BMPR1A: variants seen among roughly 807,000 people sequenced by gnomAD.
BMPR1A encodes the protein bone morphogenetic protein receptor type 1A, also known as bone morphogenetic protein receptor type-1A.
Under a neutral mutation model 66.0 loss-of-function variants are expected in BMPR1A, and 7 were observed. The observed-to-expected ratio is 0.11, with a 90% confidence interval of 0.06 to 0.20. The LOEUF (loss-of-function observed/expected upper bound fraction) is 0.20. Ranked by LOEUF, BMPR1A falls within the 10% of genes least tolerant of loss-of-function variation. The probability of loss-of-function intolerance (pLI) is 1.00; values close to 1 mark genes in which losing one functional copy is unlikely to be tolerated. For synonymous variants in BMPR1A, 200 were observed against 229.7 expected, an observed-to-expected ratio of 0.87 and a Z score of 1.17; for missense variants, 408 against 669.1, an observed-to-expected ratio of 0.61 and a Z score of 4.31.
intron 1 of BMPR1A, among the ~76,000 whole-genome samples, chr10:86,791,683 T>TCCTTGCTTCCTCCCTCCCTCCCTC (rs1841622238): frequency 1.1e-5 from 1 of 89,708 alleles, no homozygotes; most frequent in Non-Finnish European, 2.1e-5. Context: ...CTTCTTTACT[T>TCCTTGCTTCCTCCCTCCCTCCCTC]CCTTCCTCCC....
intron 3 of BMPR1A, among the ~76,000 whole-genome samples, chr10:86,878,780 CAG>C (rs1842951440): frequency 6.6e-6 from 1 of 152,138 alleles, no homozygotes; most frequent in Non-Finnish European, 1.5e-5. Flanking sequence ...TACTGGAAAA[CAG>C]AGAAACAGGA....
chr10:86,831,185 A>G (rs574884368), intron 1 of BMPR1A, among the ~76,000 whole-genome samples: 1 of 152,330 alleles, frequency 6.6e-6, no homozygotes, highest in East Asian at 1.9e-4. Flanking sequence ...GTACAGCTGC[A>G]TGTGTACCCT....
intron 1 of BMPR1A, among the ~76,000 whole-genome samples, chr10:86,762,410 G>A (rs1041221289): frequency 6.6e-6 from 1 of 152,154 alleles, no homozygotes; most frequent in African/African-American, 2.4e-5. Flanking sequence ...CCAGGCTGGA[G>A]TGCAGTGGTG....
intron 2 of BMPR1A, among the ~76,000 whole-genome samples, chr10:86,846,787 C>T (rs889866718): frequency 6.6e-6 from 1 of 152,170 alleles, no homozygotes; most frequent in Non-Finnish European, 1.5e-5. Flanking sequence ...TCAGAAATGT[C>T]ATCCAGGTCT....
intron 11 of BMPR1A, among the ~76,000 whole-genome samples, chr10:86,922,801 C>T (rs1225023666): frequency 1.3e-5 from 2 of 152,266 alleles, no homozygotes; most frequent in African/African-American, 4.8e-5. Flanking sequence ...AGCAGACGTG[C>T]AGTACACACC....
At chr10:86,799,662 C>G (rs1841783712) in intron 1 of BMPR1A, among the ~76,000 whole-genome samples, 1 of 151,842 alleles carries the variant, frequency 6.6e-6, no homozygotes, top group African/African-American at 2.4e-5. Flanking sequence ...AGTGATCCTC[C>G]CTCCTTATCC....
chr10:86,804,870 T>G (rs1274172167), intron 1 of BMPR1A, among the ~76,000 whole-genome samples: 1 of 151,204 alleles, frequency 6.6e-6, no homozygotes, highest in Non-Finnish European at 1.5e-5. Context: ...AAATTTATTG[T>G]CTCCCAATTC....
rs1589768073 is a variant in BMPR1A, at chr10:86,899,865, A to G, written c.405A>G (p.Gln135=). ...CRTNLCNQYL[Q]PTLPPVVIGP... ...CCAATTTATGTAACCAGTATTTGCA[A>G]CCCACACTGCCCCCTGTTGTCATAG... The change falls in exon 6 of 13, where the codon CAA becomes CAG. Residue 135 remains glutamine, a synonymous_variant. Coordinates refer to ENST00000372037, the MANE Select transcript of BMPR1A (RefSeq NM_004329.3). 6.2e-7 allele frequency: 1 copy of G among 1,614,220 alleles called. No individual in the cohort carries two copies. The highest frequency in any genetic ancestry group is 8.5e-7 in the Non-Finnish European group (1 of 1,180,022).
chr10:86,916,768 A>G lies in BMPR1A; in HGVS notation c.676-366A>G, dbSNP rs369536295. On this transcript the variant is annotated intron_variant, in intron 8 of 12. Coordinates refer to ENST00000372037, the MANE Select transcript of BMPR1A (RefSeq NM_004329.3). The stretch of plus-strand genomic sequence containing the variant: ...TTATGGGAGGCCGGGGGTGGGGTGG[A>G]TCACCTGAGGTCAGGAGTTCAAGAC... 9.2e-5 allele frequency among the ~76,000 whole-genome samples: 14 copies of G among 152,212 alleles called. 1 individual carries two copies. The highest frequency in any genetic ancestry group is 3.4e-4 in the African/African-American group (14 of 41,550).
intron 1 of BMPR1A, among the ~76,000 whole-genome samples, chr10:86,817,021 T>C (rs1481797090): frequency 6.6e-6 from 1 of 152,228 alleles, no homozygotes; most frequent in Non-Finnish European, 1.5e-5. Flanking sequence ...GCGATAAAGC[T>C]CTTCTCCAGC....
intron 2 of BMPR1A, among the ~76,000 whole-genome samples, chr10:86,852,134 A>G (rs545822669): frequency 3.3e-5 from 5 of 152,096 alleles, no homozygotes; most frequent in South Asian, 2.1e-4. Flanking sequence ...AAAAAAAAAA[A>G]GTTCTTTCAA....
At chr10:86,876,639 C>T (rs760379141) in intron 3 of BMPR1A, among the ~76,000 whole-genome samples, 4 of 151,906 alleles carry the variant, frequency 2.6e-5, no homozygotes, top group Middle Eastern at 3.4e-3. Context: ...AAAAATTAGC[C>T]GGGGGCCTGT....
rs112370951 is a variant in BMPR1A at position 86,782,241 on chromosome 10, A to T, written c.-268+25322A>T. Among the ~76,000 whole-genome samples, 1,050 of 152,324 alleles carry T rather than the reference A, an allele frequency of 6.9e-3. 13 individuals carry two copies. The highest frequency in any genetic ancestry group is 0.024 in the African/African-American group (996 of 41,572). On this transcript the variant is annotated intron_variant, in intron 1 of 12. Transcript: ENST00000372037. ...TTGATCCATTTATCTGTTGAGAGAC[A>T]CAAGTTAATTACACGTTTTGGCTAT...
Position 86,918,950 on chromosome 10 carries a change from A to G in BMPR1A, c.869-222A>G, listed in dbSNP as rs150843194. 1.5e-3 allele frequency among the ~76,000 whole-genome samples: 227 copies of G among 152,272 alleles called. 1 individual carries two copies. Among genetic ancestry groups the G allele is most frequent in the African/African-American group, 5.3e-3 (219 of 41,550 alleles). Reference sequence around the variant, plus strand: ...CTTTTTCTTAATCCTATTCACTTTCATGATTATTAAGATTATTATAAATTT... The same window carrying G: ...CTTTTTCTTAATCCTATTCACTTTCGTGATTATTAAGATTATTATAAATTT... On this transcript the variant is annotated intron_variant, in intron 9 of 12. Coordinates refer to ENST00000372037, the MANE Select transcript of BMPR1A (RefSeq NM_004329.3).
chr10:86,819,139 A>T (rs1233919094), intron 1 of BMPR1A, among the ~76,000 whole-genome samples: 2 of 148,962 alleles, frequency 1.3e-5, no homozygotes, highest in Non-Finnish European at 3.0e-5. Context: ...CTCACACATG[A>T]AGAAATGGCT....
intron 3 of BMPR1A, among the ~76,000 whole-genome samples, chr10:86,883,826 G>C (rs532806218): frequency 1.3e-5 from 2 of 150,526 alleles, no homozygotes; most frequent in African/African-American, 4.9e-5. Flanking sequence ...TGATCATAAT[G>C]CAATAAAAGG....
At chr10:86,868,747 GT>G (rs953203520) in intron 2 of BMPR1A, among the ~76,000 whole-genome samples, 4 of 147,240 alleles carry the variant, frequency 2.7e-5, no homozygotes, top group African/African-American at 1.0e-4. Context: ...TCTGTAGTCT[GT>G]TTTTTCAACT....
Position 86,925,866 on chromosome 10 carries a change from T to C in BMPR1A, c.*2147T>C, listed in dbSNP as rs376319778. 6.8e-4 allele frequency: 112 copies of C among 163,712 alleles called. 1 individual carries two copies. The highest frequency in any genetic ancestry group is 1.3e-3 in the Non-Finnish European group (95 of 75,074). The allele number at this position is 163,712 out of a possible 1,614,324, so 10.1% of individuals were successfully genotyped here. A position where few individuals can be genotyped will look rare whatever the true frequency, so the allele number is the denominator to read the frequency against. On this transcript the variant is annotated 3_prime_UTR_variant, in exon 13 of 13. Coordinates refer to ENST00000372037, the MANE Select transcript of BMPR1A (RefSeq NM_004329.3). Reference sequence around the variant, plus strand: ...CCTCAGCCTCCCGAGTAGCTGGGACTACAGGCGCCCGCCACCGCGCCCGGC... The same window carrying C: ...CCTCAGCCTCCCGAGTAGCTGGGACCACAGGCGCCCGCCACCGCGCCCGGC...
In BMPR1A at chr10:86,866,399, C is replaced by CTTTTTTTTTTTTCTTTTTTTTTTTTTT. The variant is rs1842785864; in HGVS notation, c.-152-9456_-152-9455insCTTTTTTTTTTTTTTTTTTTTTTTTTT. On this transcript the variant is annotated intron_variant, in intron 2 of 12. Coordinates refer to ENST00000372037, the MANE Select transcript of BMPR1A (RefSeq NM_004329.3). ...TGTGTTAAGTTGGGCAAGTTTCTTT[C>CTTTTTTTTTTTTCTTTTTTTTTTTTTT]TTTTTTTTTTTTTTTTTTTTTTTTT... is the stretch of plus-strand genomic sequence containing the variant. 2.6e-4 allele frequency among the ~76,000 whole-genome samples: 18 copies of CTTTTTTTTTTTTCTTTTTTTTTTTTTT among 69,466 alleles called. 1 individual carries two copies. The highest frequency in any genetic ancestry group is 9.6e-4 in the African/African-American group (18 of 18,784). 45.6% of individuals were successfully genotyped at this position (69,466 alleles called of 152,430 possible).
Sources: gnomAD v4.1 joint callset for allele counts (sites outside exome capture counted in the v4.1 genomes callset) on GRCh38, gnomAD v4.1.1 for gene constraint, MANE v1.5 for transcripts, NCBI Gene and HGNC (gene_info 2026-07-23, HGNC 2026-07-21) for gene names.